RRM1: variants seen among roughly 807,000 people sequenced by gnomAD.
RRM1 encodes ribonucleotide reductase catalytic subunit M1.
Under a neutral mutation model 101.5 loss-of-function variants are expected in RRM1, and 19 were observed. The ratio of observed to expected loss-of-function variants is 0.19; its 90% CI spans 0.13 to 0.27. The LOEUF (loss-of-function observed/expected upper bound fraction) is 0.27. RRM1 is among the 10% of genes least tolerant of loss of function. RRM1 has a pLI of 1.00. For missense variants in RRM1, 500 were observed against 962.9 expected, an observed-to-expected ratio of 0.52 and a Z score of 6.36; for synonymous variants, 298 against 323.4, an observed-to-expected ratio of 0.92 and a Z score of 0.84.
intron 12 of RRM1, 70 bp downstream of exon 12, chr11:4,123,454 C>A: frequency 8.6e-7 from 1 of 1,167,588 alleles, no homozygotes; most frequent in Non-Finnish European, 1.3e-6. Flanking sequence ...GTGAATTCCT[C>A]ACTTGATTTC....
At chr11:4,103,571 C>T (rs909286350) in intron 2 of RRM1, among the ~76,000 whole-genome samples, 6 of 152,178 alleles carry the variant, frequency 3.9e-5, no homozygotes, top group South Asian at 2.1e-4. Flanking sequence ...GAAAAACTGT[C>T]GGTGCACATC....
chr11:4,103,911 G>C (rs1193854237), intron 2 of RRM1, among the ~76,000 whole-genome samples: 1 of 143,878 alleles, frequency 7.0e-6, no homozygotes, highest in Non-Finnish European at 1.5e-5. Context: ...TTACAGGTGT[G>C]AGCCACACTG....
intron 7 of RRM1, among the ~76,000 whole-genome samples, chr11:4,112,925 C>T (rs962522927): frequency 1.3e-5 from 2 of 152,016 alleles, no homozygotes; most frequent in Non-Finnish European, 2.9e-5. Context: ...CATGATTATG[C>T]CACTGCACTG....
intron 18 of RRM1, among the ~76,000 whole-genome samples, chr11:4,136,526 GTATTT>G (rs1312900053): frequency 6.6e-6 from 1 of 151,812 alleles, no homozygotes; most frequent in Non-Finnish European, 1.5e-5. Flanking sequence ...GGCCAGGAAT[GTATTT>G]TATTTTATTT....
At chr11:4,110,732 G>T (rs562132601) in intron 5 of RRM1, among the ~76,000 whole-genome samples, 1 of 145,952 alleles carries the variant, frequency 6.9e-6, no homozygotes, top group Non-Finnish European at 1.5e-5. Flanking sequence ...TCGTGGCACT[G>T]CACTCCAGCC....
At chr11:4,125,149 G>A (rs1476037848) in intron 12 of RRM1, among the ~76,000 whole-genome samples, 13 of 152,108 alleles carry the variant, frequency 8.5e-5, no homozygotes, top group Middle Eastern at 3.4e-3. Flanking sequence ...TCTTGACCTC[G>A]TGATCCGCCC....
chr11:4,127,157 C>G lies in RRM1; in HGVS notation c.1593C>G (p.Ile531Met), dbSNP rs1325832322. 2.5e-6 allele frequency: 4 copies of G among 1,613,930 alleles called. No homozygotes were observed. Among genetic ancestry groups the G allele is most frequent in the Non-Finnish European group, 3.4e-6 (4 of 1,179,978 alleles). The change falls in exon 14 of 19, where the codon ATC becomes ATG. Residue 531 changes from isoleucine to methionine, a missense_variant. By Grantham distance (10) the Ile-to-Met change is conservative. This residue lies in a region of RRM1 where 106 missense variants were observed against 138.1 expected (regional missense o/e 0.77). Coordinates refer to ENST00000300738, the MANE Select transcript of RRM1 (RefSeq NM_001033.5). ...SAEAQLLNKQ[I>M]FETIYYGALE... ...AAGCCCAGTTACTGAATAAGCAGAT[C>G]TTTGAAACTATTTATTATGGTGCTC...
chr11:4,099,232 T>G (rs2094547498), intron 1 of RRM1: 1 of 151,846 alleles, frequency 6.6e-6, no homozygotes, highest in Non-Finnish European at 1.5e-5. Context: ...AACCTCTGCT[T>G]CCCAGGTTCA....
chr11:4,130,147 T>G (rs570782906), intron 15 of RRM1, among the ~76,000 whole-genome samples: 2 of 147,338 alleles, frequency 1.4e-5, no homozygotes, highest in African/African-American at 5.0e-5. Flanking sequence ...TACATGACTT[T>G]TTTTCTAATT....
chr11:4,136,848 T>A (rs1040068146), intron 18 of RRM1, among the ~76,000 whole-genome samples: 2 of 151,772 alleles, frequency 1.3e-5, no homozygotes, highest in African/African-American at 4.9e-5. Flanking sequence ...AGGACAATAG[T>A]AGAGGGAGGG....
At chr11:4,104,031 A>G (rs893446505) in intron 2 of RRM1, among the ~76,000 whole-genome samples, 5 of 151,064 alleles carry the variant, frequency 3.3e-5, no homozygotes, top group African/African-American at 1.2e-4. Flanking sequence ...GGATCGCTTG[A>G]GCCCTGGAGG....
In RRM1 at chr11:4,132,816, A is replaced by C. The variant is rs2094602635; in HGVS notation, c.1905+395A>C. ...TACCAATTAGAATTTATGGTGGGTG[A>C]GACCAGTGGTTTTTTCTTTGTTTTT... On this transcript the variant is annotated intron_variant, in intron 16 of 18. Coordinates refer to ENST00000300738, the MANE Select transcript of RRM1 (RefSeq NM_001033.5). The surrounding 1 kb of genome is among the most constrained non-coding windows in gnomAD (Gnocchi z 4.1). Among the ~76,000 whole-genome samples the C allele has an allele frequency of 6.6e-6, 1 of 152,170 alleles. No individual in the cohort carries two copies. Among genetic ancestry groups the C allele is most frequent in the African/African-American group, 2.4e-5 (1 of 41,438 alleles).
At chr11:4,102,548 C>A (rs746799795) in intron 2 of RRM1, among the ~76,000 whole-genome samples, 5 of 151,444 alleles carry the variant, frequency 3.3e-5, no homozygotes, top group Non-Finnish European at 4.4e-5. Context: ...ATCCCAGCTA[C>A]TTGGGAGGCA....
chr11:4,114,121 C>A (rs191672047), intron 7 of RRM1, among the ~76,000 whole-genome samples: 1 of 147,290 alleles, frequency 6.8e-6, no homozygotes. Context: ...GGCAACAGAG[C>A]GAGACTCCGT....
At position 4,138,407 on chromosome 11, in the gene RRM1, A is replaced by C; in HGVS notation, c.*24A>C. 1.3e-6 allele frequency: 2 copies of C among 1,562,234 alleles called. No individual in the cohort carries two copies. The highest frequency in any genetic ancestry group is 1.2e-5 in the South Asian group (1 of 81,550). ...GAGGAAAGACTTGGAAGAGACCAGC[A>C]TGTCTTCAGTAGCCAAACTACTTCT... On this transcript the variant is annotated 3_prime_UTR_variant, in exon 19 of 19. Transcript: ENST00000300738.
chr11:4,103,075 AG>A (rs1448996049), intron 2 of RRM1, among the ~76,000 whole-genome samples: 1 of 152,174 alleles, frequency 6.6e-6, no homozygotes, highest in Non-Finnish European at 1.5e-5. Context: ...AAGGTATCTT[AG>A]GTATCTTATC....
chr11:4,130,080 ATATATATTTTTTTTTTTT>A (rs1222650447), intron 15 of RRM1, among the ~76,000 whole-genome samples: 1 of 96,392 alleles, frequency 1.0e-5, no homozygotes, highest in East Asian at 3.3e-4. Context: ...ATATATATAT[ATATATATTTTTTTTTTTT>A]TTTTTTCCCC....
At chr11:4,129,215 A>T in intron 15 of RRM1, 65 bp downstream of exon 15, 1 of 930,254 alleles carries the variant, frequency 1.1e-6, no homozygotes. Context: ...CTGGATCTTC[A>T]GAAGTTAGAT....
At chr11:4,105,578 CTTT>C (rs55705631) in intron 2 of RRM1, 795 of 279,818 alleles carry the variant, frequency 2.8e-3, no homozygotes, top group Admixed American at 5.5e-3. Flanking sequence ...TTTTTCTTTC[CTTT>C]TTTTTTTTTT....
Sources: gnomAD v4.1 joint callset for allele counts (sites outside exome capture counted in the v4.1 genomes callset) on GRCh38, gnomAD v4.1.1 for gene constraint, gnomAD v4.1.1 regional missense constraint, Gnocchi (gnomAD v3.1) non-coding constraint, MANE v1.5 for transcripts, NCBI Gene and HGNC (gene_info 2026-07-23, HGNC 2026-07-21) for gene names.